SHC2: variants seen among roughly 807,000 people sequenced by gnomAD.
The protein encoded by SHC2 is SHC adaptor protein 2.
In SHC2, 62 loss-of-function variants were observed where a neutral mutation model predicts 60.6. The observed-to-expected ratio is 1.02, with a 90% CI of 0.83 to 1.26. The LOEUF (loss-of-function observed/expected upper bound fraction) is 1.26, where lower values mean the gene tolerates loss of function less well. Ranked by LOEUF, SHC2 falls within the 50% of genes most tolerant of loss-of-function variation. The pLI is 0.00. For missense variants in SHC2, 873 were observed against 822.2 expected, an observed-to-expected ratio of 1.06 and a Z score of -0.76; for synonymous variants, 375 against 372.4, an observed-to-expected ratio of 1.01 and a Z score of -0.08.
rs1600302006 is a variant in SHC2, at chr19:440,085, G to A, written c.539+777C>T. ...CCAGGCCACAGCGCGGACACACCTC[G>A]GGAACGCCATGCTCAGTGAGAGACG... On this transcript the variant is annotated intron_variant, in intron 2 of 12. Coordinates refer to ENST00000264554, the MANE Select transcript of SHC2 (RefSeq NM_012435.3). This position sits in a 1 kb window ranked among gnomAD's most constrained non-coding sequence, Gnocchi z 7.0. 1.2e-4 allele frequency among the ~76,000 whole-genome samples: 14 copies of A among 117,688 alleles called. No homozygotes were observed. The South Asian group carries it at 2.7e-3, about 23-fold the overall frequency. The allele number at this position is 117,688 out of a possible 152,430, so 77.2% of individuals were successfully genotyped here. A position where few individuals can be genotyped will look rare whatever the true frequency, so the allele number is the denominator to read the frequency against.
In SHC2 at chr19:434,584, G is replaced by A. The variant is rs866688964; in HGVS notation, c.1110+125C>T. 77 of 883,716 alleles carry A rather than the reference G, an allele frequency of 8.7e-5. 1 individual carries two copies. Among genetic ancestry groups the A allele is most frequent in the South Asian group, 5.7e-4 (30 of 52,850 alleles). The allele number at this position is 883,716 out of a possible 1,614,324, so 54.7% of individuals were successfully genotyped here. On this transcript the variant is annotated intron_variant, in intron 8 of 12. Coordinates refer to ENST00000264554, the MANE Select transcript of SHC2 (RefSeq NM_012435.3). Reference sequence around the variant, plus strand: ...AAATCATGAGTGAGTGAGTGAGTGAGTCTGAGTGAGAGACCCTCCTCTAGG... The same window carrying A: ...AAATCATGAGTGAGTGAGTGAGTGAATCTGAGTGAGAGACCCTCCTCTAGG...
chr19:422,555 G>A lies in SHC2; in HGVS notation c.1310-99C>T, dbSNP rs2287957. ...AAACGGGTTCCCCGGGGAGTCCCTC[G>A]TGCACCCGTCGGCCTGCGCTGACCG... is the stretch of plus-strand genomic sequence containing the variant. On this transcript the variant is annotated intron_variant, in intron 10 of 12. Coordinates refer to ENST00000264554, the MANE Select transcript of SHC2 (RefSeq NM_012435.3). This position sits in a 1 kb window ranked among gnomAD's most constrained non-coding sequence, Gnocchi z 5.0. 706,992 of 1,033,268 alleles carry A rather than the reference G, an allele frequency of 0.68. 242,161 individuals are homozygous for A. The highest frequency in any genetic ancestry group is 0.69 in the Non-Finnish European group (500,752 of 724,144). The allele number at this position is 1,033,268 out of a possible 1,614,324, so 64.0% of individuals were successfully genotyped here.
At chr19:443,318 G>A (rs373973384) in intron 1 of SHC2, among the ~76,000 whole-genome samples, 4,936 of 125,858 alleles carry the variant, frequency 0.039, 324 homozygotes, top group African/African-American at 0.15. Context: ...GAGTGGATGG[G>A]TGGATGGATG....
At chr19:436,795 A>C in intron 4 of SHC2, 112 bp from the exon 5 acceptor site, 1 of 1,061,950 alleles carries the variant, frequency 9.4e-7, no homozygotes, top group Non-Finnish European at 1.4e-6. Flanking sequence ...GGATGTGGGG[A>C]TGGAGACGTC....
chr19:421,324 C>G (rs557660066), intron 11 of SHC2, among the ~76,000 whole-genome samples: 1 of 148,674 alleles, frequency 6.7e-6, no homozygotes, highest in Admixed American at 6.8e-5. Context: ...CGCTTGAACG[C>G]GGGAGGCGGA....
intron 9 of SHC2, among the ~76,000 whole-genome samples, chr19:427,116 T>C (rs1441355828): frequency 6.6e-6 from 1 of 152,206 alleles, no homozygotes; most frequent in Admixed American, 6.5e-5. Context: ...GGGCACTCGA[T>C]GGCTCGAGTT....
chr19:433,001 CGTGA>C (rs1239776312), intron 8 of SHC2, among the ~76,000 whole-genome samples: 2 of 5,812 alleles, frequency 3.4e-4, no homozygotes, highest in Non-Finnish European at 2.5e-4. Flanking sequence ...GGCGCTTCAT[CGTGA>C]GTGAGATCGT....
Position 436,706 on chromosome 19 carries a change from C to T in SHC2, c.721-23G>A, listed in dbSNP as rs541381175. The T allele has an allele frequency of 4.1e-5, 65 of 1,598,078 alleles. No homozygotes were observed. The East Asian group carries it at 9.6e-4, about 24-fold the overall frequency. ...GACCTGTGGCGGCAGGAGGCACACGCGGTCATGGGGGCCCCGCTTCGAGGG... is the reference window on the plus strand; with the variant it reads ...GACCTGTGGCGGCAGGAGGCACACGTGGTCATGGGGGCCCCGCTTCGAGGG... On this transcript the variant is annotated intron_variant, in intron 4 of 12. Coordinates refer to ENST00000264554, the MANE Select transcript of SHC2 (RefSeq NM_012435.3).
intron 9 of SHC2, among the ~76,000 whole-genome samples, chr19:427,495 G>A (rs1239363049): frequency 2.7e-5 from 4 of 150,536 alleles, no homozygotes; most frequent in Admixed American, 2.6e-4. Flanking sequence ...AATTGCACAC[G>A]GCACAGGGAA....
chr19:455,476 C>G (rs144373031), intron 1 of SHC2, among the ~76,000 whole-genome samples: 7 of 152,384 alleles, frequency 4.6e-5, no homozygotes, highest in Admixed American at 3.9e-4. Flanking sequence ...GCATTTGCAC[C>G]GATGCTGCCC....
intron 1 of SHC2, among the ~76,000 whole-genome samples, chr19:447,133 C>T (rs766779283): frequency 1.2e-4 from 19 of 152,222 alleles, no homozygotes; most frequent in Non-Finnish European, 2.1e-4. Context: ...CACTCTGGAA[C>T]GTGACCCAGA....
At chr19:428,559 T>C (rs902676313) in intron 9 of SHC2, among the ~76,000 whole-genome samples, 1 of 152,184 alleles carries the variant, frequency 6.6e-6, no homozygotes, top group African/African-American at 2.4e-5. Context: ...AAACAAGGGC[T>C]ATGACGCACG....
intron 11 of SHC2, among the ~76,000 whole-genome samples, chr19:421,098 G>A (rs993362309): frequency 1.4e-5 from 2 of 138,664 alleles, no homozygotes; most frequent in South Asian, 4.9e-4. Context: ...GAGAGAGAGA[G>A]AAAAGAGTAA....
Position 422,217 on chromosome 19 carries a change from C to T in SHC2, c.1549G>A (p.Gly517Arg), listed in dbSNP as rs773645712. The change falls in exon 11 of 13, where the codon GGG becomes AGG. Residue 517 changes from glycine (G) to arginine (R), a missense_variant. By Grantham distance (125) the Gly-to-Arg change is moderately radical. Coordinates refer to ENST00000264554, the MANE Select transcript of SHC2 (RefSeq NM_012435.3). This position sits in a 1 kb window ranked among gnomAD's most constrained non-coding sequence, Gnocchi z 5.0. ...FLVRDSVTNP[G>R]QYVLTGMHAG... ...TGCATGCCGGTGAGGACATACTGCCCGGGGTTGGTGACGCTGTCTCGCACA... is the reference window on the plus strand; with the variant it reads ...TGCATGCCGGTGAGGACATACTGCCTGGGGTTGGTGACGCTGTCTCGCACA... 13 of 1,612,576 alleles carry T rather than the reference C, an allele frequency of 8.1e-6. No individual in the cohort carries two copies. In the East Asian group the frequency reaches 8.9e-5, roughly 11 times the overall value.
At chr19:427,972 G>T (rs1271127031) in intron 9 of SHC2, among the ~76,000 whole-genome samples, 1 of 151,968 alleles carries the variant, frequency 6.6e-6, no homozygotes, top group Non-Finnish European at 1.5e-5. Flanking sequence ...ACGGCACAGG[G>T]AAGAGAAATT....
At chr19:452,021 C>G (rs1030181472) in intron 1 of SHC2, among the ~76,000 whole-genome samples, 1 of 152,250 alleles carries the variant, frequency 6.6e-6, no homozygotes, top group African/African-American at 2.4e-5. Context: ...CCGTCTGTGG[C>G]TGTCACAGGA....
In SHC2 at chr19:418,851, T is replaced by A. The variant is rs1041122008; in HGVS notation, c.*5+72A>T. On this transcript the variant is annotated intron_variant, in intron 12 of 12. Transcript: ENST00000264554. ...GGAAAGGCACGGCACGTGAACCGGG[T>A]CTCAATTTTCAAATCAGAAAAGAAT... 55 of 1,495,490 alleles carry A rather than the reference T, an allele frequency of 3.7e-5. No homozygotes were observed. In the African/African-American group the frequency reaches 7.2e-4, roughly 20 times the overall value. 92.6% of individuals were successfully genotyped at this position (1,495,490 alleles called of 1,614,324 possible). A position where few individuals can be genotyped will look rare whatever the true frequency, so the allele number is the denominator to read the frequency against.
rs903733969 is a variant in SHC2, at chr19:460,799, C to T, written c.198G>A (p.Pro66=). The T allele has an allele frequency of 4.1e-6, 4 of 978,840 alleles. No homozygotes were observed. Among genetic ancestry groups the T allele is most frequent in the East Asian group, 1.2e-4 (1 of 8,608 alleles). 60.6% of individuals were successfully genotyped at this position (978,840 alleles called of 1,614,324 possible). A position where few individuals can be genotyped will look rare whatever the true frequency, so the allele number is the denominator to read the frequency against. Reference sequence around the variant, plus strand: ...GCGCCGGGACGCCCCCCGGGCCCGCCGGCTCGGGTTGGGGGTCCGCGCCCC... The same window carrying T: ...GCGCCGGGACGCCCCCCGGGCCCGCTGGCTCGGGTTGGGGGTCCGCGCCCC... ...ASGGADPQPE[P]AGPGGVPALA... is the part of the protein sequence containing the mutation. The change falls in exon 1 of 13, where the codon CCG becomes CCA. Residue 66 remains proline, a synonymous_variant. Transcript: ENST00000264554.
intron 1 of SHC2, among the ~76,000 whole-genome samples, chr19:449,705 G>T (rs1975132952): frequency 6.6e-6 from 1 of 152,090 alleles, no homozygotes; most frequent in Non-Finnish European, 1.5e-5. Flanking sequence ...AGGTTGCAAT[G>T]AGCCGAGATT....
Sources: allele counts gnomAD v4.1 joint callset (sites outside exome capture counted in the v4.1 genomes callset), GRCh38; gene constraint gnomAD v4.1.1; non-coding constraint Gnocchi (gnomAD v3.1); transcripts MANE v1.5; gene names NCBI Gene and HGNC (gene_info 2026-07-23, HGNC 2026-07-21).